VRK2: variants seen among roughly 807,000 people sequenced by gnomAD.
The protein encoded by VRK2 is VRK serine/threonine kinase 2, also known as serine/threonine-protein kinase VRK2.
In VRK2, 60 loss-of-function variants were observed where a neutral mutation model predicts 57.6. The ratio of observed to expected loss-of-function variants is 1.04; its 90% CI spans 0.85 to 1.29. The LOEUF (loss-of-function observed/expected upper bound fraction) is 1.29, where lower values mean the gene tolerates loss of function less well. VRK2 is among the 50% of genes most tolerant of loss of function. VRK2 has a pLI of 0.00. For missense variants in VRK2, 705 were observed against 588.1 expected (o/e 1.20, Z -2.06); for synonymous variants, 231 against 199.2 (o/e 1.16, Z -1.35).
intron 1 of VRK2, among the ~76,000 whole-genome samples, chr2:57,910,148 G>A (rs75489342): frequency 0.01 from 1,515 of 150,286 alleles, 24 homozygotes; most frequent in African/African-American, 0.035. Flanking sequence ...GGGCCCCATC[G>A]TTGATCTATT....
At chr2:58,039,206 C>T (rs1186639701) in intron 3 of VRK2, among the ~76,000 whole-genome samples, 1 of 152,142 alleles carries the variant, frequency 6.6e-6, no homozygotes, top group Non-Finnish European at 1.5e-5. Flanking sequence ...AAGATCCTCA[C>T]ATAGGATCAT....
At chr2:58,154,616 G>T in intron 12 of VRK2, 1 of 621,698 alleles carries the variant, frequency 1.6e-6, no homozygotes, top group Non-Finnish European at 2.9e-6. Flanking sequence ...TTTCCATTCG[G>T]TTCAATGTAT....
intron 7 of VRK2, among the ~76,000 whole-genome samples, chr2:58,094,361 T>C (rs1351299314): frequency 6.6e-6 from 1 of 152,194 alleles, no homozygotes; most frequent in Admixed American, 6.5e-5. Flanking sequence ...TTTGTAGTTC[T>C]CCTTGAAGAG....
chr2:58,103,172 A>G (rs2104359411), intron 7 of VRK2, among the ~76,000 whole-genome samples: 1 of 151,836 alleles, frequency 6.6e-6, no homozygotes, highest in South Asian at 2.1e-4. Flanking sequence ...TCAAAAAAAT[A>G]GAAAAACAAG....
chr2:58,087,743 C>G (rs1671831160), intron 5 of VRK2, among the ~76,000 whole-genome samples: 1 of 152,146 alleles, frequency 6.6e-6, no homozygotes, highest in Admixed American at 6.5e-5. Context: ...AATCCCAGCA[C>G]TTTGAGAGGC....
At position 57,928,430 on chromosome 2, in the gene VRK2, A is replaced by C. The variant is rs556705530; in HGVS notation, c.-439+20591A>C. On this transcript the variant is annotated intron_variant, in intron 1 of 15. Transcript: ENST00000417641. ...TTAAATTTATATGATAGGCTTCTGA[A>C]TTCTTTCTTTGTGTTATCTTGAATT... is the stretch of plus-strand genomic sequence containing the variant. 5.5e-4 allele frequency among the ~76,000 whole-genome samples: 84 copies of C among 152,182 alleles called. 1 individual carries two copies. In the South Asian group the frequency reaches 0.017, roughly 31 times the overall value.
At chr2:57,909,918 T>G (rs1464449003) in intron 1 of VRK2, among the ~76,000 whole-genome samples, 1 of 152,176 alleles carries the variant, frequency 6.6e-6, no homozygotes, top group Non-Finnish European at 1.5e-5. Context: ...AGAAGCTTTG[T>G]GAAATGTAAA....
At chr2:57,956,689 G>A (rs899286655) in intron 1 of VRK2, among the ~76,000 whole-genome samples, 4 of 152,118 alleles carry the variant, frequency 2.6e-5, no homozygotes, top group African/African-American at 9.7e-5. Flanking sequence ...CAAAAGCATG[G>A]ATTATTTATG....
At chr2:58,101,429 A>G (rs2104345419) in intron 7 of VRK2, among the ~76,000 whole-genome samples, 1 of 151,860 alleles carries the variant, frequency 6.6e-6, no homozygotes, top group East Asian at 1.9e-4. Context: ...AATTCACTAT[A>G]TTATCAGAAT....
At chr2:58,025,264 ATTT>A (rs34986884) in intron 1 of VRK2, among the ~76,000 whole-genome samples, 160 of 146,930 alleles carry the variant, frequency 1.1e-3, no homozygotes, top group African/African-American at 3.8e-3. Flanking sequence ...CATTGCTCAT[ATTT>A]TTTTTTTTTT....
intron 1 of VRK2, among the ~76,000 whole-genome samples, chr2:58,001,263 T>C (rs551023628): frequency 1.4e-4 from 22 of 152,348 alleles, no homozygotes; most frequent in Middle Eastern, 3.4e-3. Context: ...TTCCTCCTGA[T>C]ATTCAATTAT....
upstream of VRK2, among the ~76,000 whole-genome samples, chr2:58,042,017 CTG>C (rs1674478678): frequency 6.6e-6 from 1 of 152,086 alleles, no homozygotes; most frequent in Non-Finnish European, 1.5e-5. Context: ...CGAAACCAAA[CTG>C]TAGCCCAACC....
intron 2 of VRK2, among the ~76,000 whole-genome samples, chr2:58,051,350 A>G (rs1200051394): frequency 6.6e-6 from 1 of 152,170 alleles, no homozygotes; most frequent in Non-Finnish European, 1.5e-5. Context: ...TTCAGAATTT[A>G]TAATAAAGAT....
intron 2 of VRK2, among the ~76,000 whole-genome samples, chr2:58,077,558 T>C (rs1387053192): frequency 1.3e-5 from 2 of 152,110 alleles, no homozygotes; most frequent in East Asian, 3.9e-4. Flanking sequence ...TTTTGGGTGT[T>C]TAAATGGGAT....
At chr2:57,970,220 A>G (rs1672053766) in intron 1 of VRK2, among the ~76,000 whole-genome samples, 1 of 149,416 alleles carries the variant, frequency 6.7e-6, no homozygotes, top group Admixed American at 6.7e-5. Context: ...ACATATATAT[A>G]CACATATATA....
chr2:57,926,998 T>TTGTG lies in VRK2; in HGVS notation c.-439+19189_-439+19192dup, dbSNP rs57943937. ...TTCTCTGGTAATATGTTTTAATTTCTTGTGTGTGTGTGTGTGTGTGTGTGT... is the reference window on the plus strand; with the variant it reads ...TTCTCTGGTAATATGTTTTAATTTCTTGTGTGTGTGTGTGTGTGTGTGTGTGTGT... On this transcript the variant is annotated intron_variant, in intron 1 of 15. Coordinates refer to the VRK2 transcript ENST00000417641. Among the ~76,000 whole-genome samples the TTGTG allele has an allele frequency of 5.4e-4, 77 of 142,836 alleles. 1 individual carries two copies. The South Asian group carries it at 0.01, about 19-fold the overall frequency. The allele number at this position is 142,836 out of a possible 152,430, so 93.7% of individuals were successfully genotyped here.
At chr2:57,988,856 C>A (rs1672678168) in intron 1 of VRK2, among the ~76,000 whole-genome samples, 1 of 152,240 alleles carries the variant, frequency 6.6e-6, no homozygotes, top group South Asian at 2.1e-4. Context: ...CCATAATAAG[C>A]CTCTTCTATA....
chr2:58,036,475 C>A (rs975437339), intron 3 of VRK2, among the ~76,000 whole-genome samples: 2 of 151,636 alleles, frequency 1.3e-5, no homozygotes, highest in Non-Finnish European at 2.9e-5. Context: ...TAAAAAGTAC[C>A]ATAGGTCTAA....
At chr2:58,022,304 G>A (rs112900262) in intron 1 of VRK2, among the ~76,000 whole-genome samples, 11 of 152,304 alleles carry the variant, frequency 7.2e-5, no homozygotes, top group East Asian at 3.9e-4. Context: ...CTGTGAAACC[G>A]CCAGGAACAG....
Sources: gnomAD v4.1 joint callset for allele counts (sites outside exome capture counted in the v4.1 genomes callset) on GRCh38, gnomAD v4.1.1 for gene constraint, MANE v1.5 for transcripts, NCBI Gene and HGNC (gene_info 2026-07-23, HGNC 2026-07-21) for gene names.